CNTN6: variants seen among roughly 807,000 people sequenced by gnomAD.
CNTN6 encodes the protein contactin-6.
CNTN6 carries 137 observed loss-of-function variants against 122.8 expected under a neutral mutation model. The observed-to-expected ratio is 1.12, with a 90% confidence interval of 0.97 to 1.29. The LOEUF (loss-of-function observed/expected upper bound fraction) is 1.29, where lower values mean the gene tolerates loss of function less well. Ranked by LOEUF, CNTN6 falls within the 50% of genes most tolerant of loss-of-function variation. The pLI, the probability that CNTN6 is intolerant of heterozygous loss-of-function variation, is 0.00. For synonymous variants in CNTN6, 570 were observed against 426.0 expected (o/e 1.34, Z -4.16); for missense variants, 1,634 against 1,223.4 (o/e 1.34, Z -5.01).
At chr3:1,098,040 G>T (rs1342321403) in intron 1 of CNTN6, among the ~76,000 whole-genome samples, 1 of 148,704 alleles carries the variant, frequency 6.7e-6, no homozygotes, top group Non-Finnish European at 1.5e-5. Flanking sequence ...AATAGAAATG[G>T]TATTTCTGTA....
intron 3 of CNTN6, 47 bp from the exon 4 acceptor site, chr3:1,227,771 G>C (rs1438870958): frequency 6.4e-7 from 1 of 1,569,724 alleles, no homozygotes; most frequent in Non-Finnish European, 8.7e-7. Flanking sequence ...GACAAAGATT[G>C]ATTGACTCTG....
chr3:1,222,510 C>A (rs909326938), intron 3 of CNTN6, among the ~76,000 whole-genome samples: 1 of 151,932 alleles, frequency 6.6e-6, no homozygotes, highest in Admixed American at 6.6e-5. Context: ...TGGCTTTTAA[C>A]AGTTAGAAGG....
intron 4 of CNTN6, among the ~76,000 whole-genome samples, chr3:1,251,899 A>G (rs1253796556): frequency 6.6e-6 from 1 of 152,154 alleles, no homozygotes; most frequent in East Asian, 1.9e-4. Context: ...CTCATTGCCT[A>G]GTCCCTGAGC....
At chr3:1,292,628 C>A (rs951521382) in intron 5 of CNTN6, among the ~76,000 whole-genome samples, 1 of 152,112 alleles carries the variant, frequency 6.6e-6, no homozygotes, top group Non-Finnish European at 1.5e-5. Flanking sequence ...CATAAAACAT[C>A]CATTTGAACG....
intron 4 of CNTN6, among the ~76,000 whole-genome samples, chr3:1,233,403 C>T (rs1346795779): frequency 6.8e-6 from 1 of 147,336 alleles, no homozygotes; most frequent in Non-Finnish European, 1.5e-5. Flanking sequence ...GCAATGGAAC[C>T]GTTCTGAATA....
At chr3:1,184,801 T>C (rs1430094904) in intron 2 of CNTN6, among the ~76,000 whole-genome samples, 2 of 152,170 alleles carry the variant, frequency 1.3e-5, no homozygotes, top group African/African-American at 4.8e-5. Flanking sequence ...AAGTACATAT[T>C]TGAATGGGCA....
rs2095039903 is a variant in CNTN6 at position 1,272,295 on chromosome 3, A to T, written c.359-6118A>T. ...TTTCAACCTTATCTGGACACATAGA[A>T]ATTGGGTCAACTTTGGTCAGTGGCC... On this transcript the variant is annotated intron_variant, in intron 4 of 22. Transcript: ENST00000446702. 2.6e-5 allele frequency among the ~76,000 whole-genome samples: 4 copies of T among 152,318 alleles called. No individual in the cohort carries two copies. In the South Asian group the frequency reaches 8.3e-4, roughly 32 times the overall value.
intron 4 of CNTN6, among the ~76,000 whole-genome samples, chr3:1,269,512 TAGTA>T (rs143547982): frequency 1.1e-3 from 162 of 152,328 alleles, no homozygotes; most frequent in African/African-American, 3.8e-3. Flanking sequence ...TATGCCAGCT[TAGTA>T]AGAAGCGAGT....
At chr3:1,218,767 G>C (rs559943244) in intron 2 of CNTN6, among the ~76,000 whole-genome samples, 45 of 151,938 alleles carry the variant, frequency 3.0e-4, no homozygotes, top group Non-Finnish European at 5.6e-4. Context: ...AGAGGCTCTG[G>C]GCAAGAGCAC....
chr3:1,343,267 T>C (rs1180519586), intron 11 of CNTN6, among the ~76,000 whole-genome samples: 1 of 152,088 alleles, frequency 6.6e-6, no homozygotes, highest in Admixed American at 6.6e-5. Flanking sequence ...TAGTAGTTAA[T>C]TTTAGGAAGT....
chr3:1,361,709 A>G, intron 12 of CNTN6, among the ~76,000 whole-genome samples: 1 of 152,150 alleles, frequency 6.6e-6, no homozygotes, highest in East Asian at 1.9e-4. Flanking sequence ...AGCTTATCAC[A>G]CCAACCTCCC....
intron 20 of CNTN6, among the ~76,000 whole-genome samples, chr3:1,396,547 C>G (rs1216768281): frequency 3.3e-5 from 5 of 152,178 alleles, no homozygotes; most frequent in Non-Finnish European, 2.9e-5. Flanking sequence ...ATACTTACCT[C>G]TAGCGATTTC....
chr3:1,367,681 C>A (rs1285233494), intron 12 of CNTN6, among the ~76,000 whole-genome samples: 1 of 152,164 alleles, frequency 6.6e-6, no homozygotes, highest in Non-Finnish European at 1.5e-5. Flanking sequence ...CAGCAGTCGG[C>A]ATGCGTGCAC....
chr3:1,148,150 A>G, intron 2 of CNTN6, 87 bp downstream of exon 2: 9 of 991,276 alleles, frequency 9.1e-6, no homozygotes, highest in Non-Finnish European at 1.4e-5. Flanking sequence ...TTCAAAATGC[A>G]CAATTTGTAT....
intron 2 of CNTN6, among the ~76,000 whole-genome samples, chr3:1,185,849 C>T (rs955719417): frequency 1.3e-5 from 2 of 152,006 alleles, no homozygotes; most frequent in African/African-American, 2.4e-5. Flanking sequence ...AAACACAGTG[C>T]GTTGATCACA....
chr3:1,356,623 CA>C (rs1380888922), intron 12 of CNTN6, among the ~76,000 whole-genome samples: 1 of 151,754 alleles, frequency 6.6e-6, no homozygotes, highest in Non-Finnish European at 1.5e-5. Context: ...AGAGAAATGA[CA>C]AGATGTATTG....
intron 5 of CNTN6, among the ~76,000 whole-genome samples, chr3:1,279,601 G>A (rs1693014766): frequency 6.6e-6 from 1 of 152,142 alleles, no homozygotes; most frequent in Non-Finnish European, 1.5e-5. Flanking sequence ...TTCAAATCCA[G>A]GAAGTCTGGT....
intron 11 of CNTN6, among the ~76,000 whole-genome samples, chr3:1,340,946 G>A (rs1238691951): frequency 6.6e-6 from 1 of 152,084 alleles, no homozygotes; most frequent in Non-Finnish European, 1.5e-5. Flanking sequence ...GTGGTTTAAG[G>A]TCATCTGACT....
chr3:1,387,175 G>C (rs1239622103), intron 20 of CNTN6, among the ~76,000 whole-genome samples: 1 of 151,412 alleles, frequency 6.6e-6, no homozygotes, highest in East Asian at 1.9e-4. Flanking sequence ...CACAAACAAG[G>C]TACTGATTCT....
Sources: allele counts gnomAD v4.1 joint callset (sites outside exome capture counted in the v4.1 genomes callset), GRCh38; gene constraint gnomAD v4.1.1; transcripts MANE v1.5; gene names NCBI Gene and HGNC (gene_info 2026-07-23, HGNC 2026-07-21).